Variants in WNT2B observed in about 807,000 individuals in gnomAD.
The protein encoded by WNT2B is Wnt family member 2B, also known as protein Wnt-2b.
Under a neutral mutation model 40.5 loss-of-function variants are expected in WNT2B, and 19 were observed. The ratio of observed to expected loss-of-function variants is 0.47; its 90% CI spans 0.33 to 0.69. WNT2B has a LOEUF of 0.69. WNT2B is among the 30% of genes least tolerant of loss of function. The pLI, the probability that WNT2B is intolerant of heterozygous loss-of-function variation, is 0.02. For synonymous variants in WNT2B, 220 were observed against 211.9 expected (o/e 1.04, Z -0.33); for missense variants, 467 against 556.4 (o/e 0.84, Z 1.62).
At chr1:112,476,742 A>T (rs1368429374) in intron 1 of WNT2B, among the ~76,000 whole-genome samples, 4 of 152,178 alleles carry the variant, frequency 2.6e-5, no homozygotes, top group African/African-American at 9.7e-5. Flanking sequence ...TCCACCAGTG[A>T]TGATCTCAAC....
intron 1 of WNT2B, among the ~76,000 whole-genome samples, chr1:112,473,823 G>A (rs1570760250): frequency 6.6e-6 from 1 of 151,626 alleles, no homozygotes; most frequent in Non-Finnish European, 1.5e-5. Context: ...TTGGGAGGCC[G>A]AGGCGGGTGG....
At chr1:112,499,720 T>C (rs927560728) in intron 1 of WNT2B, among the ~76,000 whole-genome samples, 2 of 152,252 alleles carry the variant, frequency 1.3e-5, no homozygotes, top group Non-Finnish European at 1.5e-5. Context: ...AGTGTTATCA[T>C]TGCATGGTGG....
Position 112,517,268 on chromosome 1 carries a change from G to T in WNT2B, c.829G>T (p.Ala277Ser), listed in dbSNP as rs1225816507. Residue 277 changes from alanine (A) to serine (S), a missense_variant, in exon 4 of 5, where the codon GCC becomes TCC. By Grantham distance (99) the Ala-to-Ser change is moderately conservative. Coordinates refer to ENST00000369684, the MANE Select transcript of WNT2B (RefSeq NM_024494.3). ...CTATGATGGGGCTGTGCAGGTGATG[G>T]CCACCCAAGATGGTGCCAACTTCAC... ...RRYDGAVQVM[A>S]TQDGANFTAA... 1 of 1,614,076 alleles carries T rather than the reference G, an allele frequency of 6.2e-7. No individual in the cohort carries two copies. Among genetic ancestry groups the T allele is most frequent in the Non-Finnish European group, 8.5e-7 (1 of 1,180,050 alleles).
intron 1 of WNT2B, among the ~76,000 whole-genome samples, chr1:112,511,480 C>A (rs1652348073): frequency 6.6e-6 from 1 of 152,218 alleles, no homozygotes; most frequent in South Asian, 2.1e-4. Flanking sequence ...TAGGAAAAAA[C>A]CAGCAAGATT....
intron 1 of WNT2B, among the ~76,000 whole-genome samples, chr1:112,480,834 T>A (rs1651203073): frequency 6.6e-6 from 1 of 152,026 alleles, no homozygotes; most frequent in South Asian, 2.1e-4. Flanking sequence ...AAACCCTCAA[T>A]GAAATACTAG....
chr1:112,476,906 G>A (rs563613574), intron 1 of WNT2B, among the ~76,000 whole-genome samples: 1 of 152,258 alleles, frequency 6.6e-6, no homozygotes, highest in Non-Finnish European at 1.5e-5. Flanking sequence ...GGACACTTCT[G>A]ACACTGGCAC....
In WNT2B at chr1:112,525,957, G is replaced by T. The variant is rs543300092; in HGVS notation, c.*5448G>T. On this transcript the variant is annotated 3_prime_UTR_variant, in exon 5 of 5. Transcript: ENST00000369684. ...AGGTAGGGGTTACTGTCACTTTACA[G>T]ATGCTGTTCAGAAAAATTTGGTGAT... 4.4e-6 allele frequency: 7 copies of T among 1,608,434 alleles called. No homozygotes were observed. Among genetic ancestry groups the T allele is most frequent in the Middle Eastern group, 1.7e-4 (1 of 6,042 alleles).
intron 3 of WNT2B, 49 bp from the exon 4 acceptor site, chr1:112,517,072 T>C: frequency 6.3e-7 from 1 of 1,579,262 alleles, no homozygotes; most frequent in Admixed American, 1.7e-5. Context: ...ATGACTAAAA[T>C]GTGTCCTGAC....
chr1:112,475,436 G>A (rs192708744), intron 1 of WNT2B, among the ~76,000 whole-genome samples: 270 of 152,226 alleles, frequency 1.8e-3, no homozygotes, highest in African/African-American at 6.2e-3. Context: ...CCATTTTAAA[G>A]AGATTTAAAG....
Position 112,517,080 on chromosome 1 carries a change from G to C in WNT2B, c.682-41G>C, listed in dbSNP as rs766921220. ...CCTAGGGATGACTAAAATGTGTCCT[G>C]ACCAGCTACTTCTCCCTTAACTGCC... On this transcript the variant is annotated intron_variant, in intron 3 of 4. Transcript: ENST00000369684. 2.5e-6 allele frequency: 4 copies of C among 1,590,964 alleles called. No individual in the cohort carries two copies. The Admixed American group carries it at 5.0e-5, about 20-fold the overall frequency.
chr1:112,475,107 A>G (rs1651016444), intron 1 of WNT2B, among the ~76,000 whole-genome samples: 1 of 152,218 alleles, frequency 6.6e-6, no homozygotes, highest in Admixed American at 6.5e-5. Context: ...CTGTACAGCA[A>G]TACAAGAATG....
At chr1:112,490,795 C>G (rs894042307) in intron 1 of WNT2B, among the ~76,000 whole-genome samples, 1 of 152,046 alleles carries the variant, frequency 6.6e-6, no homozygotes. Flanking sequence ...GGCCAAAGAA[C>G]TCATATTCTT....
chr1:112,496,693 C>T (rs928984335), intron 1 of WNT2B, among the ~76,000 whole-genome samples: 4 of 151,988 alleles, frequency 2.6e-5, no homozygotes, highest in African/African-American at 7.2e-5. Context: ...CTCCTCCTCC[C>T]GGGTTCAAGT....
At chr1:112,507,681 A>G (rs1451323019), upstream of WNT2B, among the ~76,000 whole-genome samples, 1 of 152,092 alleles carries the variant, frequency 6.6e-6, no homozygotes, top group African/African-American at 2.4e-5. Flanking sequence ...CCCACCCCCA[A>G]CCAAAGACTG....
rs180824040 is a variant in WNT2B, at chr1:112,516,404, G to T, written c.668G>T (p.Arg223Leu). Residue 223 changes from arginine to leucine, a missense_variant, in exon 3 of 5, where the codon CGC (arginine) becomes CTC (leucine). Around this residue, in one of 2 missense-constraint regions of WNT2B, gnomAD observed 330 missense variants for 438.6 expected, o/e 0.75. Coordinates refer to ENST00000369684, the MANE Select transcript of WNT2B (RefSeq NM_024494.3). ...ARALMNLHNN[R>L]CGRTAVRRFL... ...GCCCTCATGAACTTACATAATAACCGCTGTGGTCGCACGGTCAGTACTCAT... is the reference window on the plus strand; with the variant it reads ...GCCCTCATGAACTTACATAATAACCTCTGTGGTCGCACGGTCAGTACTCAT... The T allele has an allele frequency of 3.7e-6, 6 of 1,612,658 alleles. No homozygotes were observed. The highest frequency in any genetic ancestry group is 2.2e-5 in the East Asian group (1 of 44,842).
At chr1:112,499,881 G>A (rs1342537426) in intron 1 of WNT2B, among the ~76,000 whole-genome samples, 1 of 146,300 alleles carries the variant, frequency 6.8e-6, no homozygotes, top group Non-Finnish European at 1.5e-5. Flanking sequence ...GAAATGACAG[G>A]AGTAACTGTC....
intron 1 of WNT2B, among the ~76,000 whole-genome samples, chr1:112,489,664 A>T (rs923676098): frequency 6.6e-6 from 1 of 152,226 alleles, no homozygotes; most frequent in Non-Finnish European, 1.5e-5. Context: ...TGCAATGCCA[A>T]TACTCGCAAT....
At chr1:112,486,219 G>A (rs1297496003) in intron 1 of WNT2B, among the ~76,000 whole-genome samples, 1 of 151,892 alleles carries the variant, frequency 6.6e-6, no homozygotes, top group Non-Finnish European at 1.5e-5. Context: ...AAGGCAGGTG[G>A]ATCCCTTGAG....
At chr1:112,488,599 T>G (rs555345307) in intron 1 of WNT2B, among the ~76,000 whole-genome samples, 1 of 151,206 alleles carries the variant, frequency 6.6e-6, no homozygotes, top group South Asian at 2.1e-4. Context: ...TCGCCCATGC[T>G]GGAGTGCAGT....
Sources: allele counts gnomAD v4.1 joint callset (sites outside exome capture counted in the v4.1 genomes callset), GRCh38; gene constraint gnomAD v4.1.1; regional missense constraint gnomAD v4.1.1; transcripts MANE v1.5; gene names NCBI Gene and HGNC (gene_info 2026-07-23, HGNC 2026-07-21).